IYD: variants seen among roughly 807,000 people sequenced by gnomAD.
IYD encodes the protein iodotyrosine deiodinase.
In IYD, 25 loss-of-function variants were observed where a neutral mutation model predicts 28.4. That is an observed-to-expected ratio of 0.88 (90% CI 0.64 to 1.23). The LOEUF (loss-of-function observed/expected upper bound fraction) is 1.23. Ranked by LOEUF, IYD falls within the 50% of genes most tolerant of loss-of-function variation. The pLI is 0.00. For synonymous variants in IYD, 140 were observed against 130.8 expected, an observed-to-expected ratio of 1.07 and a Z score of -0.48; for missense variants, 352 against 357.9, an observed-to-expected ratio of 0.98 and a Z score of 0.13.
chr6:150,380,960 A>G (rs1777625084), intron 1 of IYD, among the ~76,000 whole-genome samples: 1 of 152,148 alleles, frequency 6.6e-6, no homozygotes, highest in Non-Finnish European at 1.5e-5. Context: ...AGAGTGGTCC[A>G]TGGAATCCAG....
chr6:150,388,650 T>G (rs1329423147), intron 1 of IYD, among the ~76,000 whole-genome samples: 7 of 56,878 alleles, frequency 1.2e-4, no homozygotes, highest in African/African-American at 2.4e-4. Context: ...TTTCTTTCTT[T>G]CTTTCTTTCT....
chr6:150,370,440 AGT>A, intron 1 of IYD: 1 of 959,020 alleles, frequency 1.0e-6, no homozygotes, highest in African/African-American at 1.8e-5. Context: ...TTTGTGAGAG[AGT>A]GTGTGCATGA....
At chr6:150,376,647 A>G (rs567266590) in intron 1 of IYD, among the ~76,000 whole-genome samples, 1 of 152,080 alleles carries the variant, frequency 6.6e-6, no homozygotes, top group Non-Finnish European at 1.5e-5. Flanking sequence ...TTCTTAATAG[A>G]TGGGGTATTG....
At chr6:150,393,521 T>G (rs529567405) in intron 3 of IYD, among the ~76,000 whole-genome samples, 1 of 152,222 alleles carries the variant, frequency 6.6e-6, no homozygotes, top group Non-Finnish European at 1.5e-5. Context: ...TAATGAATGA[T>G]ATAAGATATC....
chr6:150,388,812 A>C (rs1288762599), intron 1 of IYD, among the ~76,000 whole-genome samples: 2 of 146,418 alleles, frequency 1.4e-5, no homozygotes, highest in Non-Finnish European at 3.0e-5. Flanking sequence ...AGCGATTCTC[A>C]TGCCTCAGCC....
At chr6:150,398,007 T>G in intron 4 of IYD, 48 bp from the exon 5 acceptor site, 1 of 1,546,230 alleles carries the variant, frequency 6.5e-7, no homozygotes, top group Non-Finnish European at 8.9e-7. Context: ...GGGAGAGCAG[T>G]CATTCTGCCT....
chr6:150,392,492 T>C lies in IYD; in HGVS notation c.518T>C (p.Leu173Pro). The change falls in exon 3 of 5, where the codon CTC (leucine) becomes CCC (proline). Residue 173 changes from leucine to proline, a missense_variant. By Grantham distance (98) the Leu-to-Pro change is moderately conservative (BLOSUM62 -3). Coordinates refer to ENST00000344419, the MANE Select transcript of IYD (RefSeq NM_203395.3). ...KRMGHRWVTDLKKLRTNWIKE... is the reference protein window; with the variant it reads ...KRMGHRWVTDPKKLRTNWIKE... Reference sequence around the variant, plus strand: ...ATGGGACATCGCTGGGTCACAGACCTCAAGAAACTGAGGTACAAACAGTGG... The same window carrying C: ...ATGGGACATCGCTGGGTCACAGACCCCAAGAAACTGAGGTACAAACAGTGG... 1 of 1,613,932 alleles carries C rather than the reference T, an allele frequency of 6.2e-7. No homozygotes were observed.
At chr6:150,379,333 C>T (rs1777562552) in intron 1 of IYD, among the ~76,000 whole-genome samples, 2 of 152,220 alleles carry the variant, frequency 1.3e-5, no homozygotes, top group East Asian at 1.9e-4. Context: ...GCATCGTCCC[C>T]CAGTCAAGCT....
At chr6:150,370,083 G>C (rs150899849) in intron 1 of IYD, 5 of 700,862 alleles carry the variant, frequency 7.1e-6, no homozygotes, top group African/African-American at 1.7e-5. Flanking sequence ...GGATGGGTTC[G>C]ATTTGGAAGA....
intron 1 of IYD, among the ~76,000 whole-genome samples, chr6:150,377,662 A>G (rs956269099): frequency 6.6e-6 from 1 of 152,242 alleles, no homozygotes; most frequent in Non-Finnish European, 1.5e-5. Flanking sequence ...CTGCCAAGTC[A>G]TGCATTTAGA....
At chr6:150,395,302 T>TCA (rs1554232414) in intron 4 of IYD, 34 of 751,964 alleles carry the variant, frequency 4.5e-5, no homozygotes, top group African/African-American at 3.3e-4. Context: ...GACAATGGAT[T>TCA]AAAAAAAAAA....
chr6:150,400,480 T>G lies in IYD; in HGVS notation c.*2243T>G, dbSNP rs1778476050. On this transcript the variant is annotated 3_prime_UTR_variant, in exon 5 of 5. Coordinates refer to ENST00000344419, the MANE Select transcript of IYD (RefSeq NM_203395.3). ...AATTATGAAGTATTCCTTCCAAAGATGTCAATGGAAACTAATCGAGTCTTA... is the reference window on the plus strand; with the variant it reads ...AATTATGAAGTATTCCTTCCAAAGAGGTCAATGGAAACTAATCGAGTCTTA... The G allele has an allele frequency of 6.6e-6, 1 of 152,176 alleles. No individual in the cohort carries two copies. The highest frequency in any genetic ancestry group is 1.5e-5 in the Non-Finnish European group (1 of 68,032). 9.4% of individuals were successfully genotyped at this position (152,176 alleles called of 1,614,324 possible). A position where few individuals can be genotyped will look rare whatever the true frequency, so the allele number is the denominator to read the frequency against.
intron 1 of IYD, among the ~76,000 whole-genome samples, chr6:150,374,089 G>T (rs1376185451): frequency 6.6e-6 from 1 of 152,202 alleles, no homozygotes; most frequent in Admixed American, 6.5e-5. Flanking sequence ...GACAAATCCT[G>T]TCTTCACTCC....
chr6:150,394,779 A>G (rs1225335897), intron 4 of IYD, among the ~76,000 whole-genome samples: 1 of 152,244 alleles, frequency 6.6e-6, no homozygotes, highest in Non-Finnish European at 1.5e-5. Flanking sequence ...TTTTCAAACT[A>G]TTCATGCATT....
At chr6:150,371,192 C>T (rs901246382) in intron 1 of IYD, among the ~76,000 whole-genome samples, 1 of 152,170 alleles carries the variant, frequency 6.6e-6, no homozygotes, top group African/African-American at 2.4e-5. Flanking sequence ...ATTAATAGCT[C>T]TTAATGTATG....
At chr6:150,394,752 GC>G (rs949820930) in intron 4 of IYD, among the ~76,000 whole-genome samples, 4 of 152,214 alleles carry the variant, frequency 2.6e-5, no homozygotes, top group Non-Finnish European at 5.9e-5. Flanking sequence ...ATGAAATGGA[GC>G]AGGATTGCTG....
At chr6:150,398,028 A>G (rs1778387028) in intron 4 of IYD, 27 bp from the exon 5 acceptor site, 1 of 1,612,344 alleles carries the variant, frequency 6.2e-7, no homozygotes, top group African/African-American at 1.3e-5. Flanking sequence ...GCTGACTTTA[A>G]AATGCTTTCT....
chr6:150,374,005 G>A (rs1260128076), intron 1 of IYD, among the ~76,000 whole-genome samples: 1 of 152,228 alleles, frequency 6.6e-6, no homozygotes. Context: ...TCAAGTCTGG[G>A]TGGGTTCCTA....
Position 150,394,180 on chromosome 6 carries a change from T to A in IYD, c.612T>A (p.Asn204Lys), listed in dbSNP as rs1778226747. 6.2e-7 allele frequency: 1 copy of A among 1,614,144 alleles called. No individual in the cohort carries two copies. ...IFKQVHGFAA[N>K]GKKKVHYYNE... ...AACAAGTACATGGTTTCGCCGCAAA[T>A]GGCAAGAAAAAAGTCCACTACTACA... The change falls in exon 4 of 5, where the codon AAT becomes AAA. Residue 204 changes from asparagine to lysine, a missense_variant. By Grantham distance (94) the Asn-to-Lys change is moderately conservative. Coordinates refer to ENST00000344419, the MANE Select transcript of IYD (RefSeq NM_203395.3).
Sources: allele counts gnomAD v4.1 joint callset (sites outside exome capture counted in the v4.1 genomes callset), GRCh38; gene constraint gnomAD v4.1.1; transcripts MANE v1.5; gene names NCBI Gene and HGNC (gene_info 2026-07-23, HGNC 2026-07-21).